The following OXR1 variants were observed in gnomAD, a reference collection of about 807,000 sequenced individuals.
OXR1 encodes oxidation resistance 1.
Under a neutral mutation model 104.6 loss-of-function variants are expected in OXR1, and 41 were observed. The observed-to-expected ratio is 0.39, with a 90% CI of 0.31 to 0.51. The LOEUF is 0.51. Ranked by LOEUF, OXR1 falls within the 20% of genes least tolerant of loss-of-function variation. The pLI is 0.77. For missense variants in OXR1, 955 were observed against 1,031.9 expected (o/e 0.93, Z 1.02); for synonymous variants, 348 against 348.4 (o/e 1.00, Z 0.01).
At chr8:106,274,600 A>ACCCCCCCCCCCACC (rs11322065) in intron 1 of OXR1, among the ~76,000 whole-genome samples, 1 of 108,866 alleles carries the variant, frequency 9.2e-6, no homozygotes, top group Non-Finnish European at 1.9e-5. Flanking sequence ...CAGCAACGCC[A>ACCCCCCCCCCCACC]CCCCCCCCCC....
intron 3 of OXR1, among the ~76,000 whole-genome samples, chr8:106,526,699 C>T (rs565388267): frequency 3.9e-5 from 6 of 152,268 alleles, no homozygotes; most frequent in Admixed American, 1.3e-4. Context: ...TCCGCCACCA[C>T]GCCCGGCTAA....
At chr8:106,486,541 C>G (rs545742022) in intron 2 of OXR1, among the ~76,000 whole-genome samples, 1 of 152,172 alleles carries the variant, frequency 6.6e-6, no homozygotes, top group African/African-American at 2.4e-5. Flanking sequence ...GAGAAAAATA[C>G]TGGTCGTTTT....
At chr8:106,571,692 T>C (rs1299832334) in intron 3 of OXR1, among the ~76,000 whole-genome samples, 5 of 151,960 alleles carry the variant, frequency 3.3e-5, no homozygotes, top group African/African-American at 1.2e-4. Context: ...ATCATAGGGG[T>C]GAGATACGGG....
intron 2 of OXR1, among the ~76,000 whole-genome samples, chr8:106,468,753 C>G (rs1304931705): frequency 6.6e-6 from 1 of 151,562 alleles, no homozygotes; most frequent in East Asian, 1.9e-4. Context: ...TGCAGTTGGA[C>G]AAGAAAGAAC....
chr8:106,346,784 A>C (rs1347380541), intron 1 of OXR1, among the ~76,000 whole-genome samples: 1 of 152,152 alleles, frequency 6.6e-6, no homozygotes, highest in African/African-American at 2.4e-5. Context: ...TCACGCTTGT[A>C]ATCCCAGCAC....
At chr8:106,446,014 C>A (rs1819999750) in intron 2 of OXR1, among the ~76,000 whole-genome samples, 2 of 152,294 alleles carry the variant, frequency 1.3e-5, no homozygotes, top group African/African-American at 4.8e-5. Flanking sequence ...GCAAGAAGAA[C>A]CCTTTCTTAC....
chr8:106,334,235 T>C (rs1814857388), intron 1 of OXR1, among the ~76,000 whole-genome samples: 1 of 152,200 alleles, frequency 6.6e-6, no homozygotes, highest in Admixed American at 6.5e-5. Context: ...TAAATGAAGT[T>C]TTTTTTAAAT....
At chr8:106,274,179 A>C (rs1479987716) in intron 1 of OXR1, among the ~76,000 whole-genome samples, 2 of 152,224 alleles carry the variant, frequency 1.3e-5, no homozygotes, top group Non-Finnish European at 2.9e-5. Flanking sequence ...TCCATTTGAA[A>C]TCGACAGCAT....
intron 2 of OXR1, among the ~76,000 whole-genome samples, chr8:106,490,660 C>T (rs1811021933): frequency 6.6e-6 from 1 of 152,082 alleles, no homozygotes; most frequent in African/African-American, 2.4e-5. Flanking sequence ...GCCACTGAAC[C>T]CAGCTGGATG....
At chr8:106,745,153 G>C (rs982865992) in intron 15 of OXR1, among the ~76,000 whole-genome samples, 2 of 152,158 alleles carry the variant, frequency 1.3e-5, no homozygotes, top group South Asian at 4.1e-4. Flanking sequence ...CTTGATAAAA[G>C]TAAGTTGCTA....
intron 3 of OXR1, among the ~76,000 whole-genome samples, chr8:106,563,348 T>G (rs1816832024): frequency 1.3e-5 from 2 of 150,748 alleles, no homozygotes. Context: ...TCCTAGTCTC[T>G]GGTAAAACAG....
chr8:106,667,687 C>T (rs72682841), intron 3 of OXR1, among the ~76,000 whole-genome samples: 13 of 152,054 alleles, frequency 8.5e-5, no homozygotes, highest in Non-Finnish European at 1.6e-4. Flanking sequence ...GTCTTTTATA[C>T]GAAATTAATT....
intron 2 of OXR1, among the ~76,000 whole-genome samples, chr8:106,413,727 T>A (rs201970307): frequency 0.37 from 54,358 of 147,982 alleles, 10,822 homozygotes; most frequent in East Asian, 0.68. Flanking sequence ...GTATCTACTT[T>A]TTTTTTTTTT....
At chr8:106,474,013 A>G (rs1402012279) in intron 2 of OXR1, among the ~76,000 whole-genome samples, 1 of 21,918 alleles carries the variant, frequency 4.6e-5, no homozygotes, top group Non-Finnish European at 7.1e-5. Flanking sequence ...GTATATTTAT[A>G]CACACACACA....
intron 2 of OXR1, among the ~76,000 whole-genome samples, chr8:106,396,153 C>G (rs776670916): frequency 1.3e-5 from 2 of 152,024 alleles, no homozygotes; most frequent in Admixed American, 1.3e-4. Flanking sequence ...CCACTTTGAA[C>G]AATTCCAAAT....
At chr8:106,727,196 TG>T (rs1240100254) in intron 11 of OXR1, among the ~76,000 whole-genome samples, 6 of 151,492 alleles carry the variant, frequency 4.0e-5, no homozygotes, top group Admixed American at 2.6e-4. Context: ...TTAACACCGT[TG>T]TTTTTTTTTT....
chr8:106,624,291 T>C (rs1214842119), intron 3 of OXR1, among the ~76,000 whole-genome samples: 7 of 152,192 alleles, frequency 4.6e-5, no homozygotes, highest in Non-Finnish European at 8.8e-5. Flanking sequence ...GTAAGATATT[T>C]AGATAACAAA....
chr8:106,274,608 C>A (rs886452702), intron 1 of OXR1, among the ~76,000 whole-genome samples: 3 of 143,260 alleles, frequency 2.1e-5, no homozygotes, highest in Admixed American at 1.4e-4. Context: ...CCACCCCCCC[C>A]CCGACCCCGC....
At chr8:106,622,762 C>T (rs145298569) in intron 3 of OXR1, among the ~76,000 whole-genome samples, 18 of 152,262 alleles carry the variant, frequency 1.2e-4, no homozygotes, top group African/African-American at 4.3e-4. Context: ...CTCTTCTCTG[C>T]TTTTTTTCTT....
Sources: gnomAD v4.1 joint callset for allele counts (sites outside exome capture counted in the v4.1 genomes callset) on GRCh38, gnomAD v4.1.1 for gene constraint, MANE v1.5 for transcripts, NCBI Gene and HGNC (gene_info 2026-07-23, HGNC 2026-07-21) for gene names.